CFDP1: variants seen among roughly 807,000 people sequenced by gnomAD.
The protein encoded by CFDP1 is heterochromatin-stabilizing protein CFDP1.
Under a neutral mutation model 40.1 loss-of-function variants are expected in CFDP1, and 31 were observed. The ratio of observed to expected loss-of-function variants is 0.77; its 90% CI spans 0.58 to 1.04. CFDP1 has a LOEUF of 1.04. Ranked by LOEUF, CFDP1 falls within the 50% of genes least tolerant of loss-of-function variation. The pLI, the probability that CFDP1 is intolerant of heterozygous loss-of-function variation, is 0.00. For synonymous variants in CFDP1, 167 were observed against 120.0 expected (o/e 1.39, Z -2.56); for missense variants, 423 against 343.4 (o/e 1.23, Z -1.83).
chr16:75,385,852 G>T (rs190443142), intron 5 of CFDP1, among the ~76,000 whole-genome samples: 8 of 152,104 alleles, frequency 5.3e-5, no homozygotes, highest in Admixed American at 1.3e-4. Flanking sequence ...GAAGGTCTTC[G>T]TTTCCTTGCT....
intron 5 of CFDP1, among the ~76,000 whole-genome samples, chr16:75,389,246 G>A (rs1056921972): frequency 6.6e-6 from 1 of 152,206 alleles, no homozygotes; most frequent in Non-Finnish European, 1.5e-5. Flanking sequence ...TGGTAGTAAG[G>A]ACTGGGGAGT....
At chr16:75,296,735 T>C (rs1391001815) in intron 6 of CFDP1, among the ~76,000 whole-genome samples, 3 of 152,302 alleles carry the variant, frequency 2.0e-5, no homozygotes, top group South Asian at 2.1e-4. Context: ...GAGGGGAACA[T>C]GTGCAGGATG....
At chr16:75,370,329 G>A (rs1314753729) in intron 5 of CFDP1, among the ~76,000 whole-genome samples, 1 of 151,974 alleles carries the variant, frequency 6.6e-6, no homozygotes, top group Non-Finnish European at 1.5e-5. Flanking sequence ...CTGACCTCAG[G>A]TGATCCACTG....
At chr16:75,365,910 A>G (rs2078710500) in intron 5 of CFDP1, among the ~76,000 whole-genome samples, 1 of 152,190 alleles carries the variant, frequency 6.6e-6, no homozygotes, top group African/African-American at 2.4e-5. Flanking sequence ...GGAAGTGGAC[A>G]AAGCGAACCC....
chr16:75,433,336 G>C lies in CFDP1; in HGVS notation c.17C>G (p.Ser6Cys), dbSNP rs761113021. Reference protein sequence around the residue: MEEFDSEDFSTSEEDE... With the variant: MEEFDCEDFSTSEEDE... The stretch of plus-strand genomic sequence containing the variant: ...CTCCTCCGACGTAGAGAAGTCTTCG[G>C]AGTCGAATTCCTCCATGTTGCTGCC... The change falls in exon 1 of 7, where the codon TCC becomes TGC. Residue 6 changes from serine (S) to cysteine (C), a missense_variant. Coordinates refer to ENST00000283882, the MANE Select transcript of CFDP1 (RefSeq NM_006324.3). 6 of 1,598,224 alleles carry C rather than the reference G, an allele frequency of 3.8e-6. No individual in the cohort carries two copies. The South Asian group carries it at 6.7e-5, about 18-fold the overall frequency.
Position 75,305,130 on chromosome 16 carries a change from T to G in CFDP1, c.703A>C (p.Lys235Gln). 4 of 1,614,154 alleles carry G rather than the reference T, an allele frequency of 2.5e-6. No individual in the cohort carries two copies. Among genetic ancestry groups the G allele is most frequent in the Non-Finnish European group, 3.4e-6 (4 of 1,180,018 alleles). Reference sequence around the variant, plus strand: ...TTCTCAAGGGTGCTCATTTTCTGCTTCTTGGCACCAATTTTCCCCAAAAGG... The same window carrying G: ...TTCTCAAGGGTGCTCATTTTCTGCTGCTTGGCACCAATTTTCCCCAAAAGG... ...SSLLGKIGAK[K>Q]QKMSTLEKSK... The change falls in exon 6 of 7, where the codon AAG becomes CAG. Residue 235 changes from lysine to glutamine, a missense_variant. Lys to Gln is a moderately conservative substitution (Grantham distance 53). Coordinates refer to ENST00000283882, the MANE Select transcript of CFDP1 (RefSeq NM_006324.3).
chr16:75,391,196 C>T (rs770585832), intron 5 of CFDP1: 7 of 152,170 alleles, frequency 4.6e-5, no homozygotes, highest in South Asian at 4.1e-4. Context: ...TAAGCATCAA[C>T]AGGGATTATT....
chr16:75,320,949 G>A (rs2078358882), intron 5 of CFDP1, among the ~76,000 whole-genome samples: 2 of 152,046 alleles, frequency 1.3e-5, no homozygotes, highest in Non-Finnish European at 2.9e-5. Flanking sequence ...TGGAAAATCT[G>A]ATGACTTACT....
rs758169743 is a variant in CFDP1, at chr16:75,293,969, T to G, written c.883A>C (p.Ser295Arg). ...QFEIERDLRL[S>R]KMKP is the part of the protein sequence containing the mutation. ...CCGTAACATCAAGGTTTCATTTTGC[T>G]CAGCCTGAGATCTCGCTCAATTTCA... Residue 295 changes from serine (S) to arginine (R), a missense_variant, in exon 7 of 7, where the codon AGC (serine) becomes CGC (arginine). Transcript: ENST00000283882. The G allele has an allele frequency of 1.9e-6, 3 of 1,613,992 alleles. No individual in the cohort carries two copies. Among genetic ancestry groups the G allele is most frequent in the Non-Finnish European group, 2.5e-6 (3 of 1,180,006 alleles).
chr16:75,305,786 G>T (rs2078252794), intron 5 of CFDP1, among the ~76,000 whole-genome samples: 1 of 152,192 alleles, frequency 6.6e-6, no homozygotes, highest in South Asian at 2.1e-4. Flanking sequence ...TCACAGTACT[G>T]TAAGAGGGTT....
At chr16:75,416,323 A>G (rs1315723784) in intron 1 of CFDP1, among the ~76,000 whole-genome samples, 1 of 152,146 alleles carries the variant, frequency 6.6e-6, no homozygotes, top group Admixed American at 6.5e-5. Flanking sequence ...AACTTAAGGA[A>G]AAAGGATTTG....
chr16:75,433,128 G>A (rs917663469), intron 1 of CFDP1, among the ~76,000 whole-genome samples, 161 bp downstream of exon 1: 5 of 152,182 alleles, frequency 3.3e-5, no homozygotes, highest in African/African-American at 7.2e-5. Flanking sequence ...GCCTCGGGCC[G>A]GAGCGGCCGA....
intron 4 of CFDP1, among the ~76,000 whole-genome samples, chr16:75,405,343 A>C (rs1240992522): frequency 1.3e-5 from 2 of 152,166 alleles, no homozygotes; most frequent in Non-Finnish European, 2.9e-5. Context: ...AAATTTATAC[A>C]GGTGCCAGGC....
Position 75,349,698 on chromosome 16 carries a change from T to TATATATATATATATATATAC in CFDP1, c.651-44517_651-44516insGTATATATATATATATATAT, listed in dbSNP as rs146824267. 2.7e-3 allele frequency among the ~76,000 whole-genome samples: 127 copies of TATATATATATATATATATAC among 47,880 alleles called. 14 individuals are homozygous for TATATATATATATATATATAC. Among genetic ancestry groups the TATATATATATATATATATAC allele is most frequent in the African/African-American group, 8.2e-3 (75 of 9,166 alleles). 31.4% of individuals were successfully genotyped at this position (47,880 alleles called of 152,430 possible). A position where few individuals can be genotyped will look rare whatever the true frequency, so the allele number is the denominator to read the frequency against. ...AAAAAAAAAAAAAAAAAAATATATA[T>TATATATATATATATATATAC]ACATACATATATACGGTTGATTTTT... On this transcript the variant is annotated intron_variant, in intron 5 of 6. Transcript: ENST00000283882.
intron 1 of CFDP1, among the ~76,000 whole-genome samples, chr16:75,426,933 T>G (rs973397547): frequency 1.3e-5 from 2 of 151,396 alleles, no homozygotes; most frequent in East Asian, 3.9e-4. Context: ...CGAGTGCTTG[T>G]AATCCCACCT....
intron 6 of CFDP1, among the ~76,000 whole-genome samples, chr16:75,302,553 C>A (rs1369604165): frequency 6.6e-6 from 1 of 152,224 alleles, no homozygotes; most frequent in Non-Finnish European, 1.5e-5. Context: ...TCCCAACACT[C>A]CTTACTTTTC....
intron 5 of CFDP1, among the ~76,000 whole-genome samples, chr16:75,360,838 C>T (rs946840422): frequency 3.3e-5 from 5 of 152,134 alleles, no homozygotes; most frequent in African/African-American, 1.2e-4. Context: ...GACCATTAAA[C>T]AAACCATAAA....
intron 3 of CFDP1, 43 bp downstream of exon 3, chr16:75,412,492 G>T: frequency 7.1e-7 from 1 of 1,416,962 alleles, no homozygotes; most frequent in South Asian, 1.1e-5. Context: ...GTAATGTAGG[G>T]TATTTCTGGA....
intron 4 of CFDP1, among the ~76,000 whole-genome samples, chr16:75,402,140 C>G (rs891388385): frequency 6.6e-6 from 1 of 152,110 alleles, no homozygotes; most frequent in Non-Finnish European, 1.5e-5. Flanking sequence ...CCACTTTTAA[C>G]AAGCAATAAG....
Sources: allele counts gnomAD v4.1 joint callset (sites outside exome capture counted in the v4.1 genomes callset), GRCh38; gene constraint gnomAD v4.1.1; transcripts MANE v1.5; gene names NCBI Gene and HGNC (gene_info 2026-07-23, HGNC 2026-07-21).